The following SLC25A48 variants were observed in gnomAD, a reference collection of about 807,000 sequenced individuals.
SLC25A48 encodes the protein CTC-321K16.1.
SLC25A48 carries 29 observed loss-of-function variants against 32.2 expected under a neutral mutation model. The ratio of observed to expected loss-of-function variants is 0.90; its 90% CI spans 0.67 to 1.23. The LOEUF is 1.23. SLC25A48 is among the 50% of genes most tolerant of loss of function. The pLI, the probability that SLC25A48 is intolerant of heterozygous loss-of-function variation, is 0.00. For missense variants in SLC25A48, 399 were observed against 422.7 expected (o/e 0.94, Z 0.49); for synonymous variants, 164 against 172.3 (o/e 0.95, Z 0.38).
chr5:135,709,037 A>G (rs1333888766), intron 3 of SLC25A48, among the ~76,000 whole-genome samples: 2 of 152,194 alleles, frequency 1.3e-5, no homozygotes, highest in Non-Finnish European at 2.9e-5. Flanking sequence ...AAATGTGGAA[A>G]ACTCCATTCA....
chr5:135,695,713 C>G (rs1754249246), intron 3 of SLC25A48, among the ~76,000 whole-genome samples: 1 of 152,206 alleles, frequency 6.6e-6, no homozygotes, highest in Non-Finnish European at 1.5e-5. Flanking sequence ...TTCTTGGACC[C>G]CAGCCGGAGG....
At position 135,667,150 on chromosome 5, in the gene SLC25A48, C is replaced by T. The variant is rs926284802; in HGVS notation, c.-521+32194C>T. On this transcript the variant is annotated intron_variant, in intron 3 of 10. Transcript: ENST00000646290. ...CTGGAACATGCCCATACTTTTCCAT[C>T]TCTGAGCCTGTGCTGCCCTTGCCTC... 1.2e-4 allele frequency among the ~76,000 whole-genome samples: 19 copies of T among 152,284 alleles called. No homozygotes were observed. In the East Asian group the frequency reaches 3.7e-3, roughly 29 times the overall value.
rs184196285 is a variant in SLC25A48, at chr5:135,842,285, G to A, written c.47-131G>A. 4 of 878,808 alleles carry A rather than the reference G, an allele frequency of 4.6e-6. No individual in the cohort carries two copies. In the Admixed American group the frequency reaches 7.1e-5, roughly 16 times the overall value. 54.4% of individuals were successfully genotyped at this position (878,808 alleles called of 1,614,324 possible). ...GCATGGGCCAGTGCCTAGCACATTG[G>A]AGCCCACCCACTCCCCCTACCCCAG... On this transcript the variant is annotated intron_variant, in intron 1 of 7. Coordinates refer to ENST00000681962, the MANE Select transcript of SLC25A48 (RefSeq NM_001349336.2).
In SLC25A48 at chr5:135,888,267, A is replaced by C. The variant is rs1401841528; in HGVS notation, c.*243A>C. 1 of 524,246 alleles carries C rather than the reference A, an allele frequency of 1.9e-6. No individual in the cohort carries two copies. The highest frequency in any genetic ancestry group is 1.9e-5 in the African/African-American group (1 of 52,814). 32.5% of individuals were successfully genotyped at this position (524,246 alleles called of 1,614,324 possible). A position where few individuals can be genotyped will look rare whatever the true frequency, so the allele number is the denominator to read the frequency against. Reference sequence around the variant, plus strand: ...GCCCACTCTGCTAGGCTGGCATCAAAGAGCTTTCCAAGAAATGTTTGGTCC... The same window carrying C: ...GCCCACTCTGCTAGGCTGGCATCAACGAGCTTTCCAAGAAATGTTTGGTCC... On this transcript the variant is annotated 3_prime_UTR_variant, in exon 8 of 8. Coordinates refer to ENST00000681962, the MANE Select transcript of SLC25A48 (RefSeq NM_001349336.2).
rs138333533 is a variant in SLC25A48 at position 135,800,014 on chromosome 5, C to T, written c.-520-12509C>T. Among the ~76,000 whole-genome samples, 198 of 151,764 alleles carry T rather than the reference C, an allele frequency of 1.3e-3. 1 individual carries two copies. The highest frequency in any genetic ancestry group is 4.5e-3 in the African/African-American group (188 of 41,404). ...GTGCACCCCAAGTGTAATATAGTTC[C>T]TGATATCCAGGGGGGACAGGATGAT... On this transcript the variant is annotated intron_variant, in intron 3 of 10. Transcript: ENST00000646290.
At chr5:135,759,428 C>A (rs1362478544) in intron 3 of SLC25A48, among the ~76,000 whole-genome samples, 1 of 152,150 alleles carries the variant, frequency 6.6e-6, no homozygotes, top group Non-Finnish European at 1.5e-5. Flanking sequence ...TCTGCTACTA[C>A]AAGCACTGGT....
chr5:135,804,789 T>G (rs546755177), intron 3 of SLC25A48, among the ~76,000 whole-genome samples: 1 of 151,662 alleles, frequency 6.6e-6, no homozygotes, highest in Non-Finnish European at 1.5e-5. Flanking sequence ...TTCATAATAT[T>G]TTAGAGATAT....
At chr5:135,811,093 C>T (rs1293928279) in intron 3 of SLC25A48, among the ~76,000 whole-genome samples, 4 of 152,266 alleles carry the variant, frequency 2.6e-5, no homozygotes, top group African/African-American at 7.2e-5. Flanking sequence ...GGGATCCTGC[C>T]TCTGGATCCC....
At chr5:135,752,395 A>C (rs2127009558) in intron 3 of SLC25A48, among the ~76,000 whole-genome samples, 1 of 152,352 alleles carries the variant, frequency 6.6e-6, no homozygotes, top group African/African-American at 2.4e-5. Flanking sequence ...ACATAGTGAA[A>C]CCCCTATCTC....
chr5:135,835,098 C>A, intron 1 of SLC25A48: 1 of 721,200 alleles, frequency 1.4e-6, no homozygotes, highest in Non-Finnish European at 2.5e-6. Context: ...CACAGCGTTT[C>A]GGGCTGAGCT....
intron 3 of SLC25A48, among the ~76,000 whole-genome samples, chr5:135,692,809 A>G (rs993442627): frequency 5.3e-5 from 8 of 152,250 alleles, no homozygotes; most frequent in Admixed American, 2.6e-4. Flanking sequence ...GTGGCTGCTA[A>G]TTAAACCTGC....
intron 3 of SLC25A48, among the ~76,000 whole-genome samples, chr5:135,745,877 T>G (rs1755626665): frequency 6.6e-6 from 1 of 152,136 alleles, no homozygotes; most frequent in African/African-American, 2.4e-5. Flanking sequence ...AGAGCCAGGA[T>G]TTAAGTCTGA....
At chr5:135,802,041 G>A (rs549042926) in intron 3 of SLC25A48, among the ~76,000 whole-genome samples, 2 of 151,830 alleles carry the variant, frequency 1.3e-5, no homozygotes, top group Admixed American at 1.3e-4. Flanking sequence ...TGCAGGGAAT[G>A]TACAAACCCC....
At chr5:135,611,836 A>T (rs926532894) in intron 1 of SLC25A48, among the ~76,000 whole-genome samples, 2 of 152,212 alleles carry the variant, frequency 1.3e-5, no homozygotes. Flanking sequence ...CCTTATTCCA[A>T]CCTCTGCTAC....
intron 3 of SLC25A48, among the ~76,000 whole-genome samples, chr5:135,701,718 A>T (rs904431376): frequency 2.6e-5 from 4 of 152,172 alleles, no homozygotes; most frequent in Non-Finnish European, 5.9e-5. Context: ...CAAGGTCCTC[A>T]TGTGGTCCAG....
chr5:135,870,788 G>C (rs762259258), intron 4 of SLC25A48, among the ~76,000 whole-genome samples: 1 of 152,014 alleles, frequency 6.6e-6, no homozygotes, highest in Non-Finnish European at 1.5e-5. Flanking sequence ...TTGCACTCAT[G>C]ACAAGCTCCC....
chr5:135,824,519 G>A (rs721834), intron 4 of SLC25A48: 20,518 of 152,378 alleles, frequency 0.13, 1,716 homozygotes, highest in East Asian at 0.44. Flanking sequence ...GGGACAAGAA[G>A]CCCCTAAGCT....
chr5:135,833,386 G>A (rs1758279563), upstream of SLC25A48, among the ~76,000 whole-genome samples: 1 of 152,220 alleles, frequency 6.6e-6, no homozygotes, highest in Non-Finnish European at 1.5e-5. Context: ...CCAGAGGAGT[G>A]GGTTTTGAGA....
chr5:135,806,731 C>G (rs1757472461), intron 3 of SLC25A48, among the ~76,000 whole-genome samples: 1 of 149,166 alleles, frequency 6.7e-6, no homozygotes, highest in South Asian at 2.2e-4. Flanking sequence ...TGTGTTAATA[C>G]TAGATATAAT....
Sources: gnomAD v4.1 joint callset for allele counts (sites outside exome capture counted in the v4.1 genomes callset) on GRCh38, gnomAD v4.1.1 for gene constraint, MANE v1.5 for transcripts, NCBI Gene and HGNC (gene_info 2026-07-23, HGNC 2026-07-21) for gene names.